The following TMEM117 variants were observed in gnomAD, a reference collection of about 807,000 sequenced individuals.
The protein encoded by TMEM117 is transmembrane protein 117.
In TMEM117, 27 loss-of-function variants were observed where a neutral mutation model predicts 52.4. The ratio of observed to expected loss-of-function variants is 0.51; its 90% confidence interval spans 0.38 to 0.71. TMEM117 has a LOEUF of 0.71. Ranked by LOEUF, TMEM117 falls within the 30% of genes least tolerant of loss-of-function variation. TMEM117 has a pLI of 0.00. For missense variants in TMEM117, 556 were observed against 630.5 expected, an observed-to-expected ratio of 0.88 and a Z score of 1.26; for synonymous variants, 215 against 206.3, an observed-to-expected ratio of 1.04 and a Z score of -0.36.
chr12:44,368,996 A>G (rs1299730548), intron 6 of TMEM117, among the ~76,000 whole-genome samples: 1 of 151,966 alleles, frequency 6.6e-6, no homozygotes, highest in Non-Finnish European at 1.5e-5. Flanking sequence ...ACTTTGCACT[A>G]ACTTTAGTTA....
At chr12:44,225,058 C>T (rs550730288) in intron 5 of TMEM117, among the ~76,000 whole-genome samples, 1 of 152,238 alleles carries the variant, frequency 6.6e-6, no homozygotes, top group African/African-American at 2.4e-5. Flanking sequence ...ATGAGAATCA[C>T]TGAATGCTGC....
At chr12:43,921,714 T>G (rs1268196898) in intron 2 of TMEM117, among the ~76,000 whole-genome samples, 1 of 152,214 alleles carries the variant, frequency 6.6e-6, no homozygotes, top group Non-Finnish European at 1.5e-5. Flanking sequence ...TCTATGTATC[T>G]CATCTTCTCA....
chr12:44,055,640 G>T (rs1235379722), intron 3 of TMEM117, among the ~76,000 whole-genome samples: 1 of 152,056 alleles, frequency 6.6e-6, no homozygotes, highest in Non-Finnish European at 1.5e-5. Flanking sequence ...TTGTAAAGTG[G>T]TAATAATATC....
chr12:43,928,864 G>A (rs1422634847), intron 2 of TMEM117, among the ~76,000 whole-genome samples: 9 of 151,140 alleles, frequency 6.0e-5, no homozygotes, highest in East Asian at 3.9e-4. Flanking sequence ...TTGTTCTTGC[G>A]ATAGTTTACT....
intron 2 of TMEM117, among the ~76,000 whole-genome samples, chr12:43,883,663 G>C (rs1943937038): frequency 6.6e-6 from 1 of 151,464 alleles, no homozygotes; most frequent in Non-Finnish European, 1.5e-5. Context: ...TTGTGCTTTA[G>C]TTATGCATAT....
chr12:44,361,622 AT>A (rs1428647911), intron 6 of TMEM117, among the ~76,000 whole-genome samples: 2 of 152,178 alleles, frequency 1.3e-5, no homozygotes, highest in Non-Finnish European at 2.9e-5. Flanking sequence ...CGCATCTACT[AT>A]TGTGCTAAGG....
At chr12:43,970,854 A>T (rs139408797) in intron 3 of TMEM117, among the ~76,000 whole-genome samples, 18 of 151,616 alleles carry the variant, frequency 1.2e-4, no homozygotes, top group African/African-American at 4.4e-4. Flanking sequence ...AGCTTGATTC[A>T]CTGTCTTTAT....
chr12:44,239,068 T>G (rs181838112), intron 5 of TMEM117, among the ~76,000 whole-genome samples: 1 of 152,220 alleles, frequency 6.6e-6, no homozygotes, highest in Non-Finnish European at 1.5e-5. Context: ...CAGTGTAGGG[T>G]TTTAAATTTG....
intron 6 of TMEM117, among the ~76,000 whole-genome samples, chr12:44,313,395 C>T (rs962536987): frequency 1.3e-5 from 2 of 152,064 alleles, no homozygotes; most frequent in Non-Finnish European, 2.9e-5. Flanking sequence ...TTTTTGTTGA[C>T]TTTGTCAAAG....
At chr12:44,131,609 A>G (rs1269042324) in intron 3 of TMEM117, among the ~76,000 whole-genome samples, 1 of 151,850 alleles carries the variant, frequency 6.6e-6, no homozygotes. Flanking sequence ...ATGGGAATTT[A>G]TTTTTCCTTA....
chr12:44,332,248 A>T (rs960355834), intron 6 of TMEM117, among the ~76,000 whole-genome samples: 2 of 152,090 alleles, frequency 1.3e-5, no homozygotes, highest in Non-Finnish European at 2.9e-5. Flanking sequence ...TAAATTGCAT[A>T]GTTTTATTTT....
chr12:44,347,763 A>T (rs1265272484), intron 6 of TMEM117, among the ~76,000 whole-genome samples: 1 of 152,014 alleles, frequency 6.6e-6, no homozygotes, highest in African/African-American at 2.4e-5. Context: ...AACTCAGAGA[A>T]ATAGTCAAAC....
chr12:44,094,155 C>G (rs928927252), intron 3 of TMEM117, among the ~76,000 whole-genome samples: 2 of 152,082 alleles, frequency 1.3e-5, no homozygotes, highest in Non-Finnish European at 2.9e-5. Context: ...TGTGCCTATG[C>G]TTGATTCAAT....
chr12:43,886,871 A>G (rs574357263), intron 2 of TMEM117, among the ~76,000 whole-genome samples: 1 of 152,112 alleles, frequency 6.6e-6, no homozygotes, highest in South Asian at 2.1e-4. Context: ...TTTTGGAGAC[A>G]GAGTCTCTCT....
At chr12:43,949,263 C>T (rs568233479) in intron 3 of TMEM117, among the ~76,000 whole-genome samples, 31 of 152,294 alleles carry the variant, frequency 2.0e-4, no homozygotes, top group Non-Finnish European at 2.9e-4. Flanking sequence ...GAGGGCCAAG[C>T]GGACAACTTG....
chr12:44,220,868 C>G (rs1949779487), intron 5 of TMEM117, among the ~76,000 whole-genome samples: 1 of 152,120 alleles, frequency 6.6e-6, no homozygotes, highest in African/African-American at 2.4e-5. Flanking sequence ...CCCAAACTAT[C>G]AAGTACTCAT....
At chr12:43,890,925 A>G (rs759846426) in intron 2 of TMEM117, among the ~76,000 whole-genome samples, 33 of 152,234 alleles carry the variant, frequency 2.2e-4, no homozygotes, top group Admixed American at 2.0e-4. Context: ...AAGTATTTTA[A>G]AAATTCATCT....
chr12:43,868,101 C>CAT (rs1943636754), intron 2 of TMEM117, among the ~76,000 whole-genome samples: 1 of 65,638 alleles, frequency 1.5e-5, no homozygotes, highest in African/African-American at 2.9e-5. Context: ...CAAATATACA[C>CAT]ACACACACAC....
intron 4 of TMEM117, among the ~76,000 whole-genome samples, chr12:44,162,262 T>A (rs1948908145): frequency 6.6e-6 from 1 of 152,180 alleles, no homozygotes; most frequent in Admixed American, 6.5e-5. Context: ...GTTGACATAG[T>A]GTCCCTTCTT....
Sources: gnomAD v4.1 joint callset for allele counts (sites outside exome capture counted in the v4.1 genomes callset) on GRCh38, gnomAD v4.1.1 for gene constraint, MANE v1.5 for transcripts, NCBI Gene and HGNC (gene_info 2026-07-23, HGNC 2026-07-21) for gene names.